ST8SIA1: variants seen among roughly 807,000 people sequenced by gnomAD.
The protein encoded by ST8SIA1 is alpha-N-acetylneuraminide alpha-2,8-sialyltransferase.
ST8SIA1 carries 16 observed loss-of-function variants against 35.9 expected under a neutral mutation model. That is an observed-to-expected ratio of 0.45 (90% confidence interval 0.30 to 0.68). The LOEUF (loss-of-function observed/expected upper bound fraction) is 0.68. ST8SIA1 is among the 30% of genes least tolerant of loss of function. The pLI is 0.09. For synonymous variants in ST8SIA1, 170 were observed against 169.6 expected (o/e 1.00, Z -0.02); for missense variants, 383 against 453.6 (o/e 0.84, Z 1.41).
intron 3 of ST8SIA1, among the ~76,000 whole-genome samples, chr12:22,249,611 C>T (rs1301505849): frequency 2.6e-5 from 4 of 152,186 alleles, no homozygotes; most frequent in Non-Finnish European, 5.9e-5. Context: ...CTATCAGCAT[C>T]TTCCAAATGC....
chr12:22,212,590 T>TA (rs1232906968), intron 4 of ST8SIA1, among the ~76,000 whole-genome samples: 1 of 152,066 alleles, frequency 6.6e-6, no homozygotes, highest in Admixed American at 6.6e-5. Context: ...GAACTGCCTT[T>TA]AAAAAAAATT....
At chr12:22,325,014 G>C (rs1323103514) in intron 1 of ST8SIA1, 2 of 154,742 alleles carry the variant, frequency 1.3e-5, no homozygotes, top group African/African-American at 4.8e-5. Flanking sequence ...ATACAATTTA[G>C]TAATACACAC....
Position 22,334,211 on chromosome 12 carries a change from G to A in ST8SIA1, c.22C>T (p.Arg8Trp), listed in dbSNP as rs1866814397. 24 of 1,612,624 alleles carry A rather than the reference G, an allele frequency of 1.5e-5. No homozygotes were observed. Among genetic ancestry groups the A allele is most frequent in the Non-Finnish European group, 1.9e-5 (22 of 1,179,512 alleles). The change falls in exon 1 of 5, where the codon CGG becomes TGG. Residue 8 changes from arginine (R) to tryptophan (W), a missense_variant. Arg to Trp is a moderately radical substitution (Grantham distance 101). Coordinates refer to ENST00000396037, the MANE Select transcript of ST8SIA1 (RefSeq NM_003034.4). ...ATGGCCCCTCTGGACGTTTGTCGCC[G>A]GGCCCGCCCGCAGGGGCTCATCGCA... is the stretch of plus-strand genomic sequence containing the variant. MSPCGRA[R>W]RQTSRGAMAV...
chr12:22,322,941 T>G (rs1283335616), intron 1 of ST8SIA1, among the ~76,000 whole-genome samples: 1 of 152,244 alleles, frequency 6.6e-6, no homozygotes, highest in African/African-American at 2.4e-5. Context: ...CCTTGAAATC[T>G]CTACCTTATC....
intron 1 of ST8SIA1, among the ~76,000 whole-genome samples, chr12:22,317,874 G>C (rs1359588899): frequency 2.6e-5 from 4 of 152,186 alleles, no homozygotes; most frequent in South Asian, 2.1e-4. Context: ...CACATGTTGA[G>C]TGTATCTAGA....
chr12:22,237,725 G>T (rs1484985096), intron 4 of ST8SIA1, among the ~76,000 whole-genome samples: 7 of 151,574 alleles, frequency 4.6e-5, no homozygotes, highest in Non-Finnish European at 8.8e-5. Flanking sequence ...TATTATGTAT[G>T]TAATATATTT....
chr12:22,285,871 C>CAAAAAAA (rs1264234503), intron 2 of ST8SIA1, among the ~76,000 whole-genome samples: 3 of 94,948 alleles, frequency 3.2e-5, no homozygotes, highest in Non-Finnish European at 3.9e-5. Context: ...AAGACTCTGT[C>CAAAAAAA]AAAAACAAAA....
intron 4 of ST8SIA1, among the ~76,000 whole-genome samples, chr12:22,208,783 T>C (rs967452639): frequency 2.6e-5 from 4 of 152,254 alleles, no homozygotes; most frequent in African/African-American, 7.2e-5. Flanking sequence ...GAATAAACCA[T>C]GTATGATGAA....
At position 22,309,626 on chromosome 12, in the gene ST8SIA1, C is replaced by G. The variant is rs550222405; in HGVS notation, c.237-22333G>C. On this transcript the variant is annotated intron_variant, in intron 1 of 4. Coordinates refer to ENST00000396037, the MANE Select transcript of ST8SIA1 (RefSeq NM_003034.4). ...AGTATAAATTCTTGATCCCTTTGCC[C>G]CTCTCTCAAAGTATCTGTTTCTGGC... Among the ~76,000 whole-genome samples, 13 of 152,154 alleles carry G rather than the reference C, an allele frequency of 8.5e-5. No individual in the cohort carries two copies. In the East Asian group the frequency reaches 2.5e-3, roughly 29 times the overall value.
In ST8SIA1 at chr12:22,266,934, GTCTC is replaced by G. The variant is rs575494711; in HGVS notation, c.382-11549_382-11546del. On this transcript the variant is annotated intron_variant, in intron 2 of 4. Transcript: ENST00000396037. ...GTGGGCACCCTTCCCCAATTTCTTG[GTCTC>G]TCTATTTCTGGAAGTGACACTTAGA... is the stretch of plus-strand genomic sequence containing the variant. Among the ~76,000 whole-genome samples the G allele has an allele frequency of 1.5e-3, 235 of 151,860 alleles. 1 individual carries two copies. The highest frequency in any genetic ancestry group is 0.01 in the Middle Eastern group (3 of 294).
chr12:22,294,908 G>A (rs902862216), intron 1 of ST8SIA1, among the ~76,000 whole-genome samples: 1 of 152,164 alleles, frequency 6.6e-6, no homozygotes, highest in African/African-American at 2.4e-5. Flanking sequence ...CAGCTAGAAA[G>A]ATTCTAGTAT....
intron 2 of ST8SIA1, among the ~76,000 whole-genome samples, chr12:22,281,536 TAATGTA>T (rs1034140394): frequency 9.9e-5 from 15 of 152,200 alleles, no homozygotes; most frequent in African/African-American, 3.4e-4. Context: ...AAACTCAAAA[TAATGTA>T]AATGCTCTTA....
At chr12:22,311,522 G>A (rs1226034972) in intron 1 of ST8SIA1, among the ~76,000 whole-genome samples, 1 of 152,108 alleles carries the variant, frequency 6.6e-6, no homozygotes, top group Non-Finnish European at 1.5e-5. Flanking sequence ...GGAAAATATA[G>A]GCAATGTGTG....
At chr12:22,222,718 T>C (rs1411541514) in intron 4 of ST8SIA1, among the ~76,000 whole-genome samples, 1 of 152,032 alleles carries the variant, frequency 6.6e-6, no homozygotes, top group Non-Finnish European at 1.5e-5. Flanking sequence ...TTGATTTATT[T>C]ATGATTGATA....
chr12:22,314,607 C>T (rs371610897), intron 1 of ST8SIA1, among the ~76,000 whole-genome samples: 1 of 152,176 alleles, frequency 6.6e-6, no homozygotes, highest in East Asian at 1.9e-4. Flanking sequence ...TAGTGTCAAA[C>T]CTGTCCAGTA....
chr12:22,213,446 G>A lies in ST8SIA1; in HGVS notation c.585-11408C>T, dbSNP rs139863034. ...GCATGGGGGTTCCAAACCTAGACTG[G>A]CGATGTTGCTAAGAGAGAAGAAAGT... On this transcript the variant is annotated intron_variant, in intron 4 of 4. Transcript: ENST00000396037. Among the ~76,000 whole-genome samples the A allele has an allele frequency of 2.8e-3, 423 of 152,262 alleles. 2 individuals carry two copies. Among genetic ancestry groups the A allele is most frequent in the African/African-American group, 9.8e-3 (409 of 41,530 alleles).
intron 2 of ST8SIA1, among the ~76,000 whole-genome samples, chr12:22,267,009 A>G (rs1865857304): frequency 6.6e-6 from 1 of 152,086 alleles, no homozygotes; most frequent in Non-Finnish European, 1.5e-5. Flanking sequence ...ATAAAATCCA[A>G]CTCCATTTTT....
At chr12:22,248,412 C>T (rs115199312) in intron 4 of ST8SIA1, among the ~76,000 whole-genome samples, 205 of 152,088 alleles carry the variant, frequency 1.3e-3, no homozygotes, top group African/African-American at 4.3e-3. Flanking sequence ...CCCCCACCCC[C>T]GCAGCTCCCA....
intron 1 of ST8SIA1, among the ~76,000 whole-genome samples, chr12:22,304,848 C>T (rs773877007): frequency 2.6e-5 from 4 of 152,200 alleles, no homozygotes; most frequent in Non-Finnish European, 2.9e-5. Flanking sequence ...TAAAACTGGT[C>T]TCCTCTTACA....
Sources: gnomAD v4.1 joint callset for allele counts (sites outside exome capture counted in the v4.1 genomes callset) on GRCh38, gnomAD v4.1.1 for gene constraint, MANE v1.5 for transcripts, NCBI Gene and HGNC (gene_info 2026-07-23, HGNC 2026-07-21) for gene names.